The following LRMDA variants were observed in gnomAD, a reference collection of about 807,000 sequenced individuals.
LRMDA encodes the protein leucine-rich melanocyte differentiation-associated protein.
LRMDA carries 18 observed loss-of-function variants against 29.8 expected under a neutral mutation model. The ratio of observed to expected loss-of-function variants is 0.60; its 90% CI spans 0.42 to 0.90. The LOEUF (loss-of-function observed/expected upper bound fraction) is 0.90. LRMDA is among the 40% of genes least tolerant of loss of function. The pLI, the probability that LRMDA is intolerant of heterozygous loss-of-function variation, is 0.00. For synonymous variants in LRMDA, 125 were observed against 109.4 expected, an observed-to-expected ratio of 1.14 and a Z score of -0.89; for missense variants, 273 against 273.9, an observed-to-expected ratio of 1.00 and a Z score of 0.02.
chr10:75,709,864 A>T (rs926025087), intron 2 of LRMDA, among the ~76,000 whole-genome samples: 3 of 152,166 alleles, frequency 2.0e-5, no homozygotes, highest in African/African-American at 7.2e-5. Flanking sequence ...ATGCAAGATA[A>T]TTTTGCTGCT....
intron 2 of LRMDA, among the ~76,000 whole-genome samples, chr10:75,964,423 T>C (rs947714250): frequency 1.5e-4 from 23 of 152,328 alleles, no homozygotes; most frequent in African/African-American, 5.1e-4. Context: ...AATCAGACAT[T>C]AGATGAATTG....
intron 2 of LRMDA, chr10:75,782,822 A>G: frequency 6.9e-7 from 1 of 1,456,104 alleles, no homozygotes; most frequent in South Asian, 1.4e-5. Flanking sequence ...ACCTTTAGCC[A>G]GCGCCGGCGT....
intron 6 of LRMDA, among the ~76,000 whole-genome samples, chr10:76,554,416 T>C (rs1196744309): frequency 2.0e-5 from 3 of 152,208 alleles, no homozygotes; most frequent in African/African-American, 7.2e-5. Flanking sequence ...TGCCCTTTTG[T>C]CGTTAATGCA....
chr10:76,447,799 C>A (rs1842367882), intron 6 of LRMDA, among the ~76,000 whole-genome samples: 1 of 152,142 alleles, frequency 6.6e-6, no homozygotes, highest in South Asian at 2.1e-4. Flanking sequence ...TCAGTGACAG[C>A]CTTCTCTTTG....
intron 5 of LRMDA, among the ~76,000 whole-genome samples, chr10:76,200,236 T>A (rs540355682): frequency 6.6e-6 from 1 of 152,342 alleles, no homozygotes; most frequent in East Asian, 1.9e-4. Context: ...AGTGCTGGGA[T>A]GACAGGCATG....
At position 76,560,073 on chromosome 10, in the gene LRMDA, A is replaced by T. The variant is rs991847836; in HGVS notation, c.*2785A>T. ...TGTTTGTTGCTTTAAATAGAAGCAC[A>T]TTATAAGAGATTATCACTTGATCAG... is the stretch of plus-strand genomic sequence containing the variant. On this transcript the variant is annotated 3_prime_UTR_variant, in exon 7 of 7. Transcript: ENST00000611255. The T allele has an allele frequency of 1.3e-5, 2 of 152,170 alleles. No homozygotes were observed. Among genetic ancestry groups the T allele is most frequent in the African/African-American group, 4.8e-5 (2 of 41,448 alleles). The allele number at this position is 152,170 out of a possible 1,614,324, so 9.4% of individuals were successfully genotyped here.
chr10:75,569,990 C>G (rs1382247934), intron 2 of LRMDA, among the ~76,000 whole-genome samples: 2 of 152,196 alleles, frequency 1.3e-5, no homozygotes, highest in African/African-American at 4.8e-5. Flanking sequence ...CCACAGGAGA[C>G]TTTTGCTTTG....
At chr10:76,185,566 A>G (rs1851133000) in intron 5 of LRMDA, among the ~76,000 whole-genome samples, 1 of 152,162 alleles carries the variant, frequency 6.6e-6, no homozygotes, top group Non-Finnish European at 1.5e-5. Context: ...CATTTTCCCA[A>G]GTCCTCCCCT....
chr10:75,881,492 C>A (rs79060853), intron 2 of LRMDA, among the ~76,000 whole-genome samples: 26 of 152,156 alleles, frequency 1.7e-4, no homozygotes, highest in African/African-American at 3.6e-4. Flanking sequence ...CTCTCCCCCC[C>A]ACTACCCCTA....
chr10:75,499,107 G>A (rs538612049), intron 2 of LRMDA, among the ~76,000 whole-genome samples: 16 of 152,230 alleles, frequency 1.1e-4, no homozygotes, highest in African/African-American at 3.9e-4. Flanking sequence ...CTGGAATCTA[G>A]ACACCCTCTG....
At chr10:76,041,400 G>A (rs989475899) in intron 3 of LRMDA, among the ~76,000 whole-genome samples, 4 of 152,166 alleles carry the variant, frequency 2.6e-5, no homozygotes, top group Non-Finnish European at 4.4e-5. Flanking sequence ...ACTCTATCAT[G>A]TACTAGCTGT....
chr10:76,542,773 A>G (rs1048584619), intron 6 of LRMDA, among the ~76,000 whole-genome samples: 5 of 152,172 alleles, frequency 3.3e-5, no homozygotes, highest in East Asian at 1.9e-4. Flanking sequence ...TCCTTCAGAT[A>G]TGTCTTCCCT....
intron 5 of LRMDA, among the ~76,000 whole-genome samples, chr10:76,221,249 A>G (rs1441130422): frequency 6.6e-5 from 10 of 152,170 alleles, no homozygotes; most frequent in African/African-American, 2.4e-4. Context: ...CCTATTCAAC[A>G]TAGTGTTGGA....
intron 2 of LRMDA, among the ~76,000 whole-genome samples, chr10:75,560,680 T>C (rs1419028671): frequency 6.0e-5 from 9 of 150,198 alleles, no homozygotes; most frequent in African/African-American, 1.2e-4. Context: ...TTGTCATAGA[T>C]AGCTCTTATT....
chr10:75,455,913 G>A (rs1844510468), intron 2 of LRMDA, among the ~76,000 whole-genome samples: 1 of 152,184 alleles, frequency 6.6e-6, no homozygotes, highest in Non-Finnish European at 1.5e-5. Context: ...TTCCTGAGTA[G>A]GAATGGTGAG....
chr10:76,107,835 C>T lies in LRMDA; in HGVS notation c.516+49052C>T, dbSNP rs540341271. Among the ~76,000 whole-genome samples, 38 of 152,270 alleles carry T rather than the reference C, an allele frequency of 2.5e-4. No individual in the cohort carries two copies. The South Asian group carries it at 4.6e-3, about 18-fold the overall frequency. On this transcript the variant is annotated intron_variant, in intron 5 of 6. Coordinates refer to ENST00000611255, the MANE Select transcript of LRMDA (RefSeq NM_001305581.2). ...TGTTTGTTACATAGGTGTAAACGTG[C>T]CATGGTGGTTTGCTGCACCCATCAA... is the stretch of plus-strand genomic sequence containing the variant.
At chr10:75,869,250 T>G (rs1196157784) in intron 2 of LRMDA, among the ~76,000 whole-genome samples, 1 of 152,164 alleles carries the variant, frequency 6.6e-6, no homozygotes, top group African/African-American at 2.4e-5. Context: ...CCAGAGAAGC[T>G]AATTTACCTG....
At chr10:76,082,491 A>T (rs577201182) in intron 5 of LRMDA, among the ~76,000 whole-genome samples, 1 of 152,246 alleles carries the variant, frequency 6.6e-6, no homozygotes, top group South Asian at 2.1e-4. Flanking sequence ...TGTACCTGTG[A>T]CTCAAAGGAA....
chr10:75,746,263 G>A (rs1381653060), intron 2 of LRMDA, among the ~76,000 whole-genome samples: 2 of 152,196 alleles, frequency 1.3e-5, no homozygotes, highest in South Asian at 2.1e-4. Context: ...GACTGACAGA[G>A]GTGTTTGGTT....
Sources: gnomAD v4.1 joint callset for allele counts (sites outside exome capture counted in the v4.1 genomes callset) on GRCh38, gnomAD v4.1.1 for gene constraint, MANE v1.5 for transcripts, NCBI Gene and HGNC (gene_info 2026-07-23, HGNC 2026-07-21) for gene names.